CLPP: variants seen among roughly 807,000 people sequenced by gnomAD.
CLPP encodes ATP-dependent Clp protease proteolytic subunit, mitochondrial.
Under a neutral mutation model 27.4 loss-of-function variants are expected in CLPP, and 14 were observed. The ratio of observed to expected loss-of-function variants is 0.51; its 90% confidence interval spans 0.34 to 0.80. The LOEUF (loss-of-function observed/expected upper bound fraction) is 0.80, where lower values mean the gene tolerates loss of function less well. Ranked by LOEUF, CLPP falls within the 30% of genes least tolerant of loss-of-function variation. The pLI is 0.02. For synonymous variants in CLPP, 193 were observed against 166.6 expected, an observed-to-expected ratio of 1.16 and a Z score of -1.22; for missense variants, 361 against 403.6, an observed-to-expected ratio of 0.89 and a Z score of 0.90.
At position 6,368,623 on chromosome 19, in the gene CLPP, C is replaced by T. The variant is rs1297427715; in HGVS notation, c.747C>T (p.Pro249=). ...GILDKVLVHP[P]QDGEDEPTLV... is the part of the protein sequence containing the mutation. ...TAGACAAGGTTCTGGTCCACCCTCC[C>T]CAGGACGGTGAGGATGAGCCCACGC... The change falls in exon 6 of 6, where the codon CCC becomes CCT. Residue 249 remains proline (P), a synonymous_variant. Transcript: ENST00000245816. 6.2e-7 allele frequency: 1 copy of T among 1,612,252 alleles called. No homozygotes were observed. Among genetic ancestry groups the T allele is most frequent in the African/African-American group, 1.3e-5 (1 of 74,984 alleles).
intron 5 of CLPP, among the ~76,000 whole-genome samples, chr19:6,367,006 AAGT>A (rs2091865771): frequency 2.6e-5 from 4 of 152,026 alleles, no homozygotes; most frequent in Admixed American, 1.3e-4. Flanking sequence ...TGGGAGGCTG[AAGT>A]GGGAGGATCA....
In CLPP at chr19:6,368,603, A is replaced by G. The variant is rs376206411; in HGVS notation, c.727A>G (p.Lys243Glu). Reference sequence around the variant, plus strand: ...GGCCCAGGAGTTTGGCATCTTAGACAAGGTTCTGGTCCACCCTCCCCAGGA... The same window carrying G: ...GGCCCAGGAGTTTGGCATCTTAGACGAGGTTCTGGTCCACCCTCCCCAGGA... Reference protein sequence around the residue: ...MEAQEFGILDKVLVHPPQDGE... With the variant: ...MEAQEFGILDEVLVHPPQDGE... The change falls in exon 6 of 6, where the codon AAG (lysine) becomes GAG (glutamate). Residue 243 changes from lysine (K) to glutamate (E), a missense_variant. Physicochemically the swap from Lys to Glu is moderately conservative, Grantham distance 56 (BLOSUM62 1). Coordinates refer to ENST00000245816, the MANE Select transcript of CLPP (RefSeq NM_006012.4). 8 of 1,613,606 alleles carry G rather than the reference A, an allele frequency of 5.0e-6. No individual in the cohort carries two copies. In the African/African-American group the frequency reaches 8.0e-5, roughly 16 times the overall value.
intron 2 of CLPP, 39 bp downstream of exon 2, chr19:6,361,979 CA>C (rs1445006167): frequency 6.4e-7 from 1 of 1,572,426 alleles, no homozygotes; most frequent in East Asian, 2.3e-5. Context: ...AGGACTCTCC[CA>C]AGCGCCTGCC....
chr19:6,368,455 C>A, intron 5 of CLPP, 83 bp from the exon 6 acceptor site: 1 of 1,410,582 alleles, frequency 7.1e-7, no homozygotes, highest in Non-Finnish European at 9.9e-7. Flanking sequence ...TGGGCACAAA[C>A]ATTCAGGCCA....
In CLPP at chr19:6,361,862, C is replaced by T; in HGVS notation, c.199-7C>T. ...CCGGCCCCTCACCTCCATCTTTCTA[C>T]CCCCAGGGTCGCGGCGAGCGCGCCT... is the stretch of plus-strand genomic sequence containing the variant. On this transcript the variant is annotated splice_polypyrimidine_tract_variant and splice_region_variant and intron_variant, in intron 1 of 5. Transcript: ENST00000245816. 1.3e-6 allele frequency: 2 copies of T among 1,596,874 alleles called. No homozygotes were observed. Among genetic ancestry groups the T allele is most frequent in the East Asian group, 2.2e-5 (1 of 44,714 alleles).
intron 5 of CLPP, among the ~76,000 whole-genome samples, chr19:6,367,450 G>A (rs1599197139): frequency 6.7e-6 from 1 of 149,888 alleles, no homozygotes; most frequent in Non-Finnish European, 1.5e-5. Context: ...CATGAAAGAA[G>A]AATAAACACT....
rs577154373 is a variant in CLPP at position 6,362,645 on chromosome 19, G to T, written c.367+103G>T. Reference sequence around the variant, plus strand: ...AGGGATGTTCTCTCTCTGGGAAAGGGTGCAGAGCGTCAGAGTTCCAGAAGT... The same window carrying T: ...AGGGATGTTCTCTCTCTGGGAAAGGTTGCAGAGCGTCAGAGTTCCAGAAGT... On this transcript the variant is annotated intron_variant, in intron 3 of 5. Coordinates refer to ENST00000245816, the MANE Select transcript of CLPP (RefSeq NM_006012.4). 1.6e-4 allele frequency: 134 copies of T among 822,830 alleles called. No individual in the cohort carries two copies. The East Asian group carries it at 2.0e-3, about 13-fold the overall frequency. 51.0% of individuals were successfully genotyped at this position (822,830 alleles called of 1,614,324 possible).
In CLPP at chr19:6,361,615, C is replaced by T; in HGVS notation, c.41C>T (p.Ser14Leu). ...GILVGGARVA[S>L]CRYPALGPRL... Reference sequence around the variant, plus strand: ...TTGGTAGGGGGGGCCCGGGTGGCGTCATGCAGGTACCCCGCGCTGGGGCCT... The same window carrying T: ...TTGGTAGGGGGGGCCCGGGTGGCGTTATGCAGGTACCCCGCGCTGGGGCCT... The change falls in exon 1 of 6, where the codon TCA becomes TTA. Residue 14 changes from serine to leucine, a missense_variant. Physicochemically the swap from Ser to Leu is moderately radical, Grantham distance 145. Transcript: ENST00000245816. 21 of 1,418,996 alleles carry T rather than the reference C, an allele frequency of 1.5e-5. No individual in the cohort carries two copies. The highest frequency in any genetic ancestry group is 1.8e-5 in the Non-Finnish European group (20 of 1,086,498). The allele number at this position is 1,418,996 out of a possible 1,614,324, so 87.9% of individuals were successfully genotyped here. A position where few individuals can be genotyped will look rare whatever the true frequency, so the allele number is the denominator to read the frequency against.
chr19:6,366,207 G>T, intron 4 of CLPP, 51 bp from the exon 5 acceptor site: 1 of 1,322,422 alleles, frequency 7.6e-7, no homozygotes, highest in Non-Finnish European at 1.1e-6. Flanking sequence ...CCTGTGAGGG[G>T]CTGACGCCGA....
In CLPP at chr19:6,364,571, A is replaced by C; in HGVS notation, c.487A>C (p.Thr163Pro). Residue 163 changes from threonine (T) to proline (P), a missense_variant, in exon 4 of 6, where the codon ACC becomes CCC. Coordinates refer to ENST00000245816, the MANE Select transcript of CLPP (RefSeq NM_006012.4). ...GGGCTCCCTGCTTCTCGCCGCCGGC[A>C]CCCCAGGCATGCGCCACTCGCTCCC... ...SMGSLLLAAGTPGMRHSLPNS... is the reference protein window; with the variant it reads ...SMGSLLLAAGPPGMRHSLPNS... The C allele has an allele frequency of 1.9e-6, 3 of 1,612,944 alleles. No individual in the cohort carries two copies. The highest frequency in any genetic ancestry group is 2.5e-6 in the Non-Finnish European group (3 of 1,179,850).
Position 6,368,828 on chromosome 19 carries a change from T to G in CLPP, c.*118T>G. 1 of 874,694 alleles carries G rather than the reference T, an allele frequency of 1.1e-6. No individual in the cohort carries two copies. The highest frequency in any genetic ancestry group is 1.7e-6 in the Non-Finnish European group (1 of 583,514). The allele number at this position is 874,694 out of a possible 1,614,324, so 54.2% of individuals were successfully genotyped here. A position where few individuals can be genotyped will look rare whatever the true frequency, so the allele number is the denominator to read the frequency against. On this transcript the variant is annotated 3_prime_UTR_variant, in exon 6 of 6. Transcript: ENST00000245816. ...AGGGGCCTCTTGAGGAACTTTTAAT[T>G]TGCAGGGGTGCCCGCTATGGACGGG...
intron 1 of CLPP, 27 bp from the exon 2 acceptor site, chr19:6,361,842 C>T (rs1420538157): frequency 3.8e-6 from 6 of 1,594,410 alleles, no homozygotes; most frequent in South Asian, 1.1e-5. Context: ...CTGCCCCGGC[C>T]CCTCACCTCC....
intron 5 of CLPP, 100 bp downstream of exon 5, chr19:6,366,463 C>G (rs535328092): frequency 2.4e-6 from 2 of 832,024 alleles, no homozygotes; most frequent in Non-Finnish European, 3.8e-6. Context: ...ACTTTCAGGG[C>G]TGGATCGTTC....
At chr19:6,362,377 T>G in intron 2 of CLPP, 69 bp from the exon 3 acceptor site, 1 of 1,094,008 alleles carries the variant, frequency 9.1e-7, no homozygotes, top group Non-Finnish European at 1.4e-6. Flanking sequence ...CCCTGACCCA[T>G]CCCCAGCCTC....
chr19:6,364,420 G>A (rs1380791417), intron 3 of CLPP, 32 bp from the exon 4 acceptor site: 3 of 1,582,672 alleles, frequency 1.9e-6, no homozygotes, highest in Non-Finnish European at 8.6e-7. Flanking sequence ...GGGGGAGCTG[G>A]TCCAGCCCCT....
intron 4 of CLPP, chr19:6,365,235 T>G (rs907636521): frequency 6.6e-6 from 1 of 151,662 alleles, no homozygotes; most frequent in Admixed American, 6.6e-5. Flanking sequence ...TCTTGACACT[T>G]TGGGAAGCTG....
At chr19:6,363,741 T>G (rs1310107864) in intron 3 of CLPP, among the ~76,000 whole-genome samples, 2 of 151,526 alleles carry the variant, frequency 1.3e-5, no homozygotes, top group Non-Finnish European at 1.5e-5. Context: ...CTACTAAAAA[T>G]ACAAAAATTA....
chr19:6,369,303 C>G lies in CLPP; in HGVS notation c.*593C>G, dbSNP rs1300369786. Among the ~76,000 whole-genome samples the G allele has an allele frequency of 1.3e-5, 2 of 151,966 alleles. No individual in the cohort carries two copies. Among genetic ancestry groups the G allele is most frequent in the African/African-American group, 4.8e-5 (2 of 41,368 alleles). ...GAGCGTGGTGCACCTGTAATCCCAG[C>G]TACTCCGGAGGCTGAGGCAGAAGAA... On this transcript the variant is annotated 3_prime_UTR_variant, in exon 6 of 6. Transcript: ENST00000245816.
At chr19:6,363,156 C>T (rs2091844910) in intron 3 of CLPP, among the ~76,000 whole-genome samples, 3 of 149,158 alleles carry the variant, frequency 2.0e-5, no homozygotes, top group Admixed American at 6.6e-5. Flanking sequence ...GATGGAGTCT[C>T]GTTCTGTCAC....
Sources: gnomAD v4.1 joint callset for allele counts (sites outside exome capture counted in the v4.1 genomes callset) on GRCh38, gnomAD v4.1.1 for gene constraint, MANE v1.5 for transcripts, NCBI Gene and HGNC (gene_info 2026-07-23, HGNC 2026-07-21) for gene names.